The following PALM2AKAP2 variants were observed in gnomAD, a reference collection of about 807,000 sequenced individuals.
PALM2AKAP2 encodes the protein PALM2-AKAP2 fusion protein.
PALM2AKAP2 carries 37 observed loss-of-function variants against 71.5 expected under a neutral mutation model. That is an observed-to-expected ratio of 0.52 (90% confidence interval 0.40 to 0.68). The LOEUF (loss-of-function observed/expected upper bound fraction) is 0.68, where lower values mean the gene tolerates loss of function less well. PALM2AKAP2 is among the 30% of genes least tolerant of loss of function. PALM2AKAP2 has a pLI of 0.00. For missense variants in PALM2AKAP2, 1,224 were observed against 1,191.8 expected, an observed-to-expected ratio of 1.03 and a Z score of -0.40; for synonymous variants, 468 against 478.8, an observed-to-expected ratio of 0.98 and a Z score of 0.29.
At chr9:109,671,795 G>A (rs900278818) in intron 1 of PALM2AKAP2, among the ~76,000 whole-genome samples, 4 of 152,172 alleles carry the variant, frequency 2.6e-5, no homozygotes, top group Admixed American at 2.0e-4. Flanking sequence ...AGTTCTCCTT[G>A]TAGAGATTTT....
At chr9:109,764,391 C>T (rs534812683) in intron 1 of PALM2AKAP2, among the ~76,000 whole-genome samples, 3 of 152,212 alleles carry the variant, frequency 2.0e-5, no homozygotes, top group African/African-American at 7.2e-5. Flanking sequence ...ACCTCCTGGC[C>T]TTTGCACAGC....
chr9:109,978,100 GC>G (rs1284528161), intron 6 of PALM2AKAP2, among the ~76,000 whole-genome samples: 2 of 152,100 alleles, frequency 1.3e-5, no homozygotes, highest in Non-Finnish European at 2.9e-5. Context: ...GGAAAATAAA[GC>G]CCCAGAGGTG....
At chr9:110,134,651 A>G (rs1160977601) in intron 1 of PALM2AKAP2, among the ~76,000 whole-genome samples, 1 of 152,248 alleles carries the variant, frequency 6.6e-6, no homozygotes. Flanking sequence ...GAACAAATCC[A>G]TAATTATCCA....
chr9:109,983,551 A>G (rs968035695), intron 6 of PALM2AKAP2, among the ~76,000 whole-genome samples: 1 of 152,144 alleles, frequency 6.6e-6, no homozygotes, highest in African/African-American at 2.4e-5. Flanking sequence ...ATGGAAACTA[A>G]TATAGTAAAA....
chr9:110,035,376 ATATAT>A (rs1025921261), intron 7 of PALM2AKAP2, among the ~76,000 whole-genome samples: 4 of 65,472 alleles, frequency 6.1e-5, no homozygotes, highest in South Asian at 4.4e-4. Context: ...TATTATATAC[ATATAT>A]TATATGTATA....
chr9:109,725,744 G>A (rs927952), intron 1 of PALM2AKAP2, among the ~76,000 whole-genome samples: 54,410 of 152,016 alleles, frequency 0.36, 10,171 homozygotes, highest in African/African-American at 0.47. Flanking sequence ...TATGTACAAT[G>A]TGTACAATAA....
At chr9:109,760,623 A>G (rs1169421435) in intron 1 of PALM2AKAP2, 2 of 152,150 alleles carry the variant, frequency 1.3e-5, no homozygotes, top group Non-Finnish European at 1.5e-5. Context: ...CCCAAATTCT[A>G]GTAAGAGAGA....
At chr9:109,995,706 C>T (rs964456983) in intron 6 of PALM2AKAP2, among the ~76,000 whole-genome samples, 3 of 152,310 alleles carry the variant, frequency 2.0e-5, no homozygotes, top group Middle Eastern at 3.4e-3. Context: ...AGTTACCTCC[C>T]ACCAGGTCCC....
At chr9:109,814,949 T>C (rs886390557) in intron 1 of PALM2AKAP2, among the ~76,000 whole-genome samples, 3 of 152,160 alleles carry the variant, frequency 2.0e-5, no homozygotes, top group African/African-American at 4.8e-5. Context: ...TAGTTGGATA[T>C]GCATTTTTGA....
rs187226066 is a variant in PALM2AKAP2, at chr9:109,903,482, A to T, written c.258-20253A>T. ...CCCGAATCCCTGGACCTTCCCAACCACTTTTTCTCCCTGTTCCTGGGTTAC... is the reference window on the plus strand; with the variant it reads ...CCCGAATCCCTGGACCTTCCCAACCTCTTTTTCTCCCTGTTCCTGGGTTAC... On this transcript the variant is annotated intron_variant, in intron 3 of 9. Coordinates refer to the PALM2AKAP2 transcript ENST00000302798. Among the ~76,000 whole-genome samples, 1,161 of 152,194 alleles carry T rather than the reference A, an allele frequency of 7.6e-3. 6 individuals carry two copies. Among genetic ancestry groups the T allele is most frequent in the Non-Finnish European group, 0.011 (768 of 68,004 alleles).
chr9:109,989,560 A>G (rs1250010669), intron 6 of PALM2AKAP2, among the ~76,000 whole-genome samples: 3 of 152,256 alleles, frequency 2.0e-5, no homozygotes, highest in Admixed American at 2.0e-4. Flanking sequence ...AGCAACAGCA[A>G]AAAACATTTT....
At chr9:110,096,848 G>T (rs1259501953) in intron 1 of PALM2AKAP2, among the ~76,000 whole-genome samples, 1 of 152,110 alleles carries the variant, frequency 6.6e-6, no homozygotes, top group African/African-American at 2.4e-5. Flanking sequence ...GAAGGCTATT[G>T]ATATTTTTAT....
intron 1 of PALM2AKAP2, among the ~76,000 whole-genome samples, chr9:109,751,271 A>T (rs1463957066): frequency 6.6e-6 from 1 of 152,198 alleles, no homozygotes; most frequent in Non-Finnish European, 1.5e-5. Context: ...ATAATAAATT[A>T]TTCAAATGTG....
chr9:109,668,379 G>T (rs901995592), intron 1 of PALM2AKAP2, among the ~76,000 whole-genome samples: 1 of 152,126 alleles, frequency 6.6e-6, no homozygotes, highest in African/African-American at 2.4e-5. Context: ...CTAGCAGGAG[G>T]GCTTACAATT....
chr9:110,135,164 A>AAAAAAAAAATAT lies in PALM2AKAP2; in HGVS notation c.157-962_157-961insAAAAAAAATATA. On this transcript the variant is annotated intron_variant, in intron 1 of 3. Coordinates refer to ENST00000374525, the Ensembl canonical transcript of PALM2AKAP2. Reference sequence around the variant, plus strand: ...AACTCTGTCTCTACAAAAAAAAAAAAATATATAAATATATATATATATATA... The same window carrying AAAAAAAAAATAT: ...AACTCTGTCTCTACAAAAAAAAAAAAAAAAAAAAATATATATATAAATATATATATATATATA... 1.6e-3 allele frequency among the ~76,000 whole-genome samples: 81 copies of AAAAAAAAAATAT among 51,708 alleles called. 3 individuals carry two copies. The highest frequency in any genetic ancestry group is 5.6e-3 in the African/African-American group (76 of 13,606). 33.9% of individuals were successfully genotyped at this position (51,708 alleles called of 152,430 possible). A position where few individuals can be genotyped will look rare whatever the true frequency, so the allele number is the denominator to read the frequency against.
At chr9:109,737,467 GGAA>G (rs1190327075) in intron 1 of PALM2AKAP2, among the ~76,000 whole-genome samples, 3 of 152,216 alleles carry the variant, frequency 2.0e-5, no homozygotes, top group African/African-American at 7.2e-5. Flanking sequence ...GTGTGTATTT[GGAA>G]GAAGAGGCAA....
At chr9:110,050,147 T>C (rs1833682442) in intron 1 of PALM2AKAP2, among the ~76,000 whole-genome samples, 1 of 152,232 alleles carries the variant, frequency 6.6e-6, no homozygotes, top group African/African-American at 2.4e-5. Flanking sequence ...ATATTTCTTT[T>C]TGAAAAGAAA....
chr9:109,667,944 T>G (rs1416107703), intron 1 of PALM2AKAP2, among the ~76,000 whole-genome samples: 1 of 16,960 alleles, frequency 5.9e-5, no homozygotes. Context: ...TTTTTTTTTT[T>G]TTTTTTTTTT....
chr9:109,689,076 A>G (rs1156420119), intron 1 of PALM2AKAP2, among the ~76,000 whole-genome samples: 1 of 152,194 alleles, frequency 6.6e-6, no homozygotes, highest in Non-Finnish European at 1.5e-5. Flanking sequence ...TCACATTCCC[A>G]TAAGAGGGCT....
Sources: gnomAD v4.1 joint callset for allele counts (sites outside exome capture counted in the v4.1 genomes callset) on GRCh38, gnomAD v4.1.1 for gene constraint, MANE v1.5 for transcripts, NCBI Gene and HGNC (gene_info 2026-07-23, HGNC 2026-07-21) for gene names.